TALDO1: variants seen among roughly 807,000 people sequenced by gnomAD.
TALDO1 encodes the protein transaldolase.
TALDO1 carries 29 observed loss-of-function variants against 38.1 expected under a neutral mutation model. The ratio of observed to expected loss-of-function variants is 0.76; its 90% CI spans 0.57 to 1.04. TALDO1 has a LOEUF of 1.04. Ranked by LOEUF, TALDO1 falls within the 50% of genes least tolerant of loss-of-function variation. The pLI is 0.00. For missense variants in TALDO1, 499 were observed against 438.1 expected, an observed-to-expected ratio of 1.14 and a Z score of -1.24; for synonymous variants, 207 against 176.8, an observed-to-expected ratio of 1.17 and a Z score of -1.36.
At position 763,265 on chromosome 11, in the gene TALDO1, C is replaced by T. The variant is rs1298684414; in HGVS notation, c.462-79C>T. The stretch of plus-strand genomic sequence containing the variant: ...CGCCCTCACCCATCCCCGCCCTCAC[C>T]GTCCCCGCCCTCACCCGCCCCCGCC... On this transcript the variant is annotated intron_variant, in intron 4 of 7. Transcript: ENST00000319006. 4.6e-5 allele frequency: 11 copies of T among 238,744 alleles called. 1 individual carries two copies. Among genetic ancestry groups the T allele is most frequent in the Non-Finnish European group, 8.3e-5 (10 of 120,708 alleles). 14.8% of individuals were successfully genotyped at this position (238,744 alleles called of 1,614,324 possible).
chr11:760,385 T>G, intron 4 of TALDO1, 132 bp downstream of exon 4: 1 of 1,385,294 alleles, frequency 7.2e-7, no homozygotes, highest in Admixed American at 1.8e-5. Context: ...GCCCACAGCT[T>G]GGACTTGACC....
Position 759,053 on chromosome 11 carries a change from G to T in TALDO1, c.325G>T (p.Ala109Ser). ...GGGCCGAGTATCCACAGAAGTAGAC[G>T]CAAGGTAAGGATGCTTGCTCCTGCA... ...IPGRVSTEVD[A>S]RLSFDKDAMV... is the part of the protein sequence containing the mutation. Residue 109 changes from alanine to serine, a missense_variant, in exon 3 of 8, where the codon GCA becomes TCA. By Grantham distance (99) the Ala-to-Ser change is moderately conservative. Coordinates refer to ENST00000319006, the MANE Select transcript of TALDO1 (RefSeq NM_006755.2). 3 of 1,610,718 alleles carry T rather than the reference G, an allele frequency of 1.9e-6. No homozygotes were observed. Among genetic ancestry groups the T allele is most frequent in the African/African-American group, 1.3e-5 (1 of 74,948 alleles).
At chr11:747,663 G>C (rs942067910) in intron 1 of TALDO1, 85 bp downstream of exon 1, 1 of 1,243,608 alleles carries the variant, frequency 8.0e-7, no homozygotes, top group African/African-American at 1.6e-5. Flanking sequence ...CCCGTTCCGG[G>C]ACGCGGACCG....
At chr11:748,357 T>C (rs936288645) in intron 1 of TALDO1, among the ~76,000 whole-genome samples, 11 of 152,184 alleles carry the variant, frequency 7.2e-5, no homozygotes, top group Non-Finnish European at 1.2e-4. Context: ...TGGTACACTG[T>C]TAAATACTGG....
Position 763,849 on chromosome 11 carries a change from T to C in TALDO1, c.740T>C (p.Leu247Pro), listed in dbSNP as rs1036675790. 6.2e-7 allele frequency: 1 copy of C among 1,614,012 alleles called. No individual in the cohort carries two copies. ...CGCAACACGGGCGAGATCAAAGCAC[T>C]GGCCGGCTGTGACTTCCTCACCATC... The part of the protein sequence containing the change: ...SFRNTGEIKA[L>P]AGCDFLTISP... Residue 247 changes from leucine (L) to proline (P), a missense_variant, in exon 6 of 8, where the codon CTG becomes CCG. Physicochemically the swap from Leu to Pro is moderately conservative, Grantham distance 98 (BLOSUM62 -3). Coordinates refer to ENST00000319006, the MANE Select transcript of TALDO1 (RefSeq NM_006755.2).
At chr11:764,583 T>TC in intron 7 of TALDO1, 150 bp downstream of exon 7, 1 of 1,400,990 alleles carries the variant, frequency 7.1e-7, no homozygotes, top group South Asian at 1.2e-5. Context: ...GTTGAGGCCA[T>TC]CCCAGGGTGG....
chr11:756,350 A>C (rs1426909143), intron 2 of TALDO1: 3 of 279,096 alleles, frequency 1.1e-5, no homozygotes, highest in Non-Finnish European at 2.1e-5. Context: ...TTTATTTTTT[A>C]CTTTTCAGAC....
At chr11:752,094 G>A (rs909718007) in intron 1 of TALDO1, among the ~76,000 whole-genome samples, 25 of 151,318 alleles carry the variant, frequency 1.7e-4, no homozygotes, top group African/African-American at 4.6e-4. Context: ...TTTTGGAGGC[G>A]GAGTCTCGCT....
chr11:755,209 A>G (rs1862813466), intron 1 of TALDO1, among the ~76,000 whole-genome samples: 1 of 124,268 alleles, frequency 8.0e-6, no homozygotes, highest in East Asian at 2.4e-4. Context: ...CAGTGGCGCG[A>G]TCTCGGCTCA....
intron 1 of TALDO1, among the ~76,000 whole-genome samples, chr11:755,172 T>C (rs1358528761): frequency 7.3e-5 from 9 of 124,032 alleles, no homozygotes; most frequent in African/African-American, 2.8e-4. Flanking sequence ...TGAGATGGAG[T>C]CTCACTCTGT....
At chr11:760,401 A>C (rs1862908829) in intron 4 of TALDO1, 148 bp downstream of exon 4, 2 of 1,203,516 alleles carry the variant, frequency 1.7e-6, no homozygotes, top group Non-Finnish European at 2.4e-6. Context: ...TGACCAGCTC[A>C]TGTCAGCCTA....
At chr11:763,062 G>C (rs1295355390) in intron 4 of TALDO1, among the ~76,000 whole-genome samples, 1 of 152,140 alleles carries the variant, frequency 6.6e-6, no homozygotes, top group African/African-American at 2.4e-5. Flanking sequence ...TATCCACTTA[G>C]AGCCCTCGAG....
chr11:761,736 T>A (rs527525119), intron 4 of TALDO1, among the ~76,000 whole-genome samples: 4 of 152,172 alleles, frequency 2.6e-5, no homozygotes, highest in Non-Finnish European at 5.9e-5. Context: ...TGGAGTGCAG[T>A]GGCACGAACT....
intron 1 of TALDO1, among the ~76,000 whole-genome samples, chr11:748,048 A>G (rs1235010725): frequency 6.6e-6 from 1 of 152,210 alleles, no homozygotes; most frequent in African/African-American, 2.4e-5. Context: ...CCCTCTGTGC[A>G]CCTTCATGGG....
chr11:760,197 C>T lies in TALDO1; in HGVS notation c.405C>T (p.Ser135=). The change falls in exon 4 of 8, where the codon AGC becomes AGT. Residue 135 remains serine, a synonymous_variant. Coordinates refer to ENST00000319006, the MANE Select transcript of TALDO1 (RefSeq NM_006755.2). ...AGCTCTACAAGGAAGCTGGGATCAG[C>T]AAGGACCGAATTCTTATAAAGCTGT... The part of the protein sequence containing the change: ...LIELYKEAGI[S]KDRILIKLSS... 1.2e-6 allele frequency: 2 copies of T among 1,614,204 alleles called. No individual in the cohort carries two copies. Among genetic ancestry groups the T allele is most frequent in the Admixed American group, 1.7e-5 (1 of 60,012 alleles).
At chr11:757,179 C>G (rs1770445475) in intron 2 of TALDO1, among the ~76,000 whole-genome samples, 1 of 152,128 alleles carries the variant, frequency 6.6e-6, no homozygotes, top group Non-Finnish European at 1.5e-5. Context: ...GTGTTGCACC[C>G]CTGTGGCATC....
At chr11:750,000 T>C (rs1862723616) in intron 1 of TALDO1, among the ~76,000 whole-genome samples, 1 of 152,208 alleles carries the variant, frequency 6.6e-6, no homozygotes, top group African/African-American at 2.4e-5. Context: ...GACCATGGCA[T>C]GGCATCCACA....
intron 1 of TALDO1, among the ~76,000 whole-genome samples, chr11:750,501 GAT>G (rs1470303837): frequency 6.7e-6 from 1 of 149,836 alleles, no homozygotes; most frequent in African/African-American, 2.5e-5. Context: ...AAAAAAAAAA[GAT>G]ATTTATTTGC....
chr11:759,417 T>C (rs1196284552), intron 3 of TALDO1, among the ~76,000 whole-genome samples: 1 of 151,842 alleles, frequency 6.6e-6, no homozygotes, highest in Non-Finnish European at 1.5e-5. Context: ...CCTGCCACCA[T>C]GCCCAGCTAA....
Sources: gnomAD v4.1 joint callset for allele counts (sites outside exome capture counted in the v4.1 genomes callset) on GRCh38, gnomAD v4.1.1 for gene constraint, MANE v1.5 for transcripts, NCBI Gene and HGNC (gene_info 2026-07-23, HGNC 2026-07-21) for gene names.